The following VWC2 variants were observed in gnomAD, a reference collection of about 807,000 sequenced individuals.
The protein encoded by VWC2 is brorin.
Under a neutral mutation model 29.8 loss-of-function variants are expected in VWC2, and 14 were observed. The observed-to-expected ratio is 0.47, with a 90% CI of 0.31 to 0.74. The LOEUF (loss-of-function observed/expected upper bound fraction) is 0.74, where lower values mean the gene tolerates loss of function less well. Among genes scored for constraint, VWC2 ranks in the 30% least tolerant of loss-of-function variants. The probability of loss-of-function intolerance (pLI) is 0.05; values close to 1 mark genes in which losing one functional copy is unlikely to be tolerated. For synonymous variants in VWC2, 213 were observed against 199.0 expected, an observed-to-expected ratio of 1.07 and a Z score of -0.59; for missense variants, 457 against 459.8, an observed-to-expected ratio of 0.99 and a Z score of 0.05.
At chr7:49,799,446 G>A (rs192438445) in intron 2 of VWC2, among the ~76,000 whole-genome samples, 1 of 152,356 alleles carries the variant, frequency 6.6e-6, no homozygotes, top group Admixed American at 6.5e-5. Context: ...CACCTGGCTG[G>A]CATCTGAGGG....
At chr7:49,882,970 G>A (rs917229077) in intron 3 of VWC2, among the ~76,000 whole-genome samples, 4 of 151,810 alleles carry the variant, frequency 2.6e-5, no homozygotes, top group African/African-American at 7.3e-5. Context: ...AATCGCCTCC[G>A]TGTTGTCTCC....
Position 49,775,618 on chromosome 7 carries a change from G to C in VWC2, c.183G>C (p.Glu61Asp). 3.9e-6 allele frequency: 6 copies of C among 1,531,400 alleles called. No homozygotes were observed. The highest frequency in any genetic ancestry group is 4.4e-6 in the Non-Finnish European group (5 of 1,141,916). The allele number at this position is 1,531,400 out of a possible 1,614,324, so 94.9% of individuals were successfully genotyped here. The change falls in exon 2 of 4, where the codon GAG (glutamate) becomes GAC (aspartate). Residue 61 changes from glutamate (E) to aspartate (D), a missense_variant. This residue lies in a region of VWC2 where 272 missense variants were observed against 202.7 expected (regional missense o/e 1.34). Transcript: ENST00000340652. ...GGGACGGCCCGGGGCGGGTGAACGA[G>C]CTCGGGCGCCCGGCGAGGGACGAGG... is the stretch of plus-strand genomic sequence containing the variant. ...ASRDGPGRVN[E>D]LGRPARDEGG... is the part of the protein sequence containing the mutation.
At chr7:49,825,176 T>C (rs1013442269) in intron 3 of VWC2, among the ~76,000 whole-genome samples, 4 of 152,226 alleles carry the variant, frequency 2.6e-5, no homozygotes, top group Admixed American at 2.6e-4. Flanking sequence ...TATTGTACTT[T>C]TCAATTCTAG....
intron 3 of VWC2, among the ~76,000 whole-genome samples, chr7:49,863,131 T>A (rs1481739611): frequency 6.6e-6 from 1 of 152,250 alleles, no homozygotes; most frequent in Non-Finnish European, 1.5e-5. Flanking sequence ...GATTACTGAT[T>A]CAATATCTTC....
intron 3 of VWC2, among the ~76,000 whole-genome samples, chr7:49,889,411 T>C (rs1433391954): frequency 1.3e-5 from 2 of 152,180 alleles, no homozygotes; most frequent in Non-Finnish European, 2.9e-5. Flanking sequence ...CCCACATACT[T>C]GAAATTGTTA....
At chr7:49,879,741 G>C in intron 3 of VWC2, among the ~76,000 whole-genome samples, 2 of 150,216 alleles carry the variant, frequency 1.3e-5, no homozygotes, top group East Asian at 3.9e-4. Flanking sequence ...TCTTTCCATG[G>C]TTATTTTTTT....
At chr7:49,850,107 G>A (rs1341105186) in intron 3 of VWC2, among the ~76,000 whole-genome samples, 1 of 152,134 alleles carries the variant, frequency 6.6e-6, no homozygotes, top group Non-Finnish European at 1.5e-5. Context: ...ACCAAGCCTA[G>A]CACATAGCAT....
At chr7:49,824,120 T>C (rs1007166386) in intron 3 of VWC2, among the ~76,000 whole-genome samples, 43 of 152,148 alleles carry the variant, frequency 2.8e-4, no homozygotes, top group African/African-American at 9.9e-4. Flanking sequence ...TAAAGTTCAG[T>C]TTCTCAATTT....
chr7:49,792,191 T>C (rs1387727154), intron 2 of VWC2, among the ~76,000 whole-genome samples: 1 of 152,162 alleles, frequency 6.6e-6, no homozygotes, highest in African/African-American at 2.4e-5. Context: ...CCGGAATCAG[T>C]CCCCCATGGA....
chr7:49,810,927 T>C (rs1788992796), intron 3 of VWC2, among the ~76,000 whole-genome samples: 2 of 152,158 alleles, frequency 1.3e-5, no homozygotes, highest in African/African-American at 4.8e-5. Flanking sequence ...ATTAAAAAGA[T>C]AGGAGAACAT....
At chr7:49,805,701 TTA>T (rs1354474814) in intron 3 of VWC2, among the ~76,000 whole-genome samples, 1 of 152,212 alleles carries the variant, frequency 6.6e-6, no homozygotes, top group East Asian at 1.9e-4. Context: ...TGTAAAAAAA[TTA>T]TATGTTTGAT....
intron 3 of VWC2, among the ~76,000 whole-genome samples, chr7:49,882,530 G>A (rs1212314172): frequency 6.6e-6 from 1 of 151,928 alleles, no homozygotes; most frequent in Non-Finnish European, 1.5e-5. Context: ...GAGACAGAGG[G>A]ACACACAGAG....
At chr7:49,815,869 C>T (rs1449645692) in intron 3 of VWC2, among the ~76,000 whole-genome samples, 2 of 152,162 alleles carry the variant, frequency 1.3e-5, no homozygotes, top group African/African-American at 2.4e-5. Flanking sequence ...ATGACTCATC[C>T]TTTGCTGTAC....
At chr7:49,883,130 A>G (rs1791743162) in intron 3 of VWC2, among the ~76,000 whole-genome samples, 1 of 152,110 alleles carries the variant, frequency 6.6e-6, no homozygotes, top group Non-Finnish European at 1.5e-5. Context: ...TTGAGGGGAA[A>G]TGAGGAGGAA....
At chr7:49,892,844 T>A (rs1792202550) in intron 3 of VWC2, among the ~76,000 whole-genome samples, 1 of 152,222 alleles carries the variant, frequency 6.6e-6, no homozygotes, top group African/African-American at 2.4e-5. Flanking sequence ...AGAAAAGACT[T>A]CTATGGTCAA....
Position 49,912,289 on chromosome 7 carries a change from G to T in VWC2, c.*104G>T, listed in dbSNP as rs560150348. 2.5e-6 allele frequency: 3 copies of T among 1,209,984 alleles called. No homozygotes were observed. Among genetic ancestry groups the T allele is most frequent in the Non-Finnish European group, 1.1e-6 (1 of 891,430 alleles). The allele number at this position is 1,209,984 out of a possible 1,614,324, so 75.0% of individuals were successfully genotyped here. A position where few individuals can be genotyped will look rare whatever the true frequency, so the allele number is the denominator to read the frequency against. ...TCAGTCAAAGAAGACTTTTGATGAG[G>T]AATAATGGAAAATTGTTGGTACTTT... is the stretch of plus-strand genomic sequence containing the variant. On this transcript the variant is annotated 3_prime_UTR_variant, in exon 4 of 4. Transcript: ENST00000340652.
intron 2 of VWC2, among the ~76,000 whole-genome samples, chr7:49,792,159 A>T (rs1489306504): frequency 6.6e-6 from 1 of 152,196 alleles, no homozygotes; most frequent in East Asian, 1.9e-4. Flanking sequence ...GCATCCTTGA[A>T]TTTTAGTATC....
intron 2 of VWC2, among the ~76,000 whole-genome samples, chr7:49,796,709 G>A (rs1256039482): frequency 6.6e-6 from 1 of 152,170 alleles, no homozygotes; most frequent in Non-Finnish European, 1.5e-5. Context: ...ACATTTCAGA[G>A]CCTGGTCCTT....
chr7:49,802,966 G>A (rs150354400), intron 3 of VWC2, 126 bp downstream of exon 3: 19 of 1,186,698 alleles, frequency 1.6e-5, no homozygotes, highest in Middle Eastern at 5.0e-4. Context: ...ATACACATGC[G>A]TACACACGTG....
Sources: gnomAD v4.1 joint callset for allele counts (sites outside exome capture counted in the v4.1 genomes callset) on GRCh38, gnomAD v4.1.1 for gene constraint, gnomAD v4.1.1 regional missense constraint, MANE v1.5 for transcripts, NCBI Gene and HGNC (gene_info 2026-07-23, HGNC 2026-07-21) for gene names.